Variants in BRD1 observed in about 807,000 individuals in gnomAD.
BRD1 encodes the protein bromodomain containing 1.
In BRD1, 24 loss-of-function variants were observed where a neutral mutation model predicts 107.7. The ratio of observed to expected loss-of-function variants is 0.22; its 90% CI spans 0.16 to 0.31. The LOEUF (loss-of-function observed/expected upper bound fraction) is 0.31. Among genes scored for constraint, BRD1 ranks in the 10% least tolerant of loss-of-function variants. The pLI, the probability that BRD1 is intolerant of heterozygous loss-of-function variation, is 1.00. For missense variants in BRD1, 1,279 were observed against 1,638.6 expected, an observed-to-expected ratio of 0.78 and a Z score of 3.79; for synonymous variants, 744 against 686.1, an observed-to-expected ratio of 1.08 and a Z score of -1.32.
chr22:49,785,782 A>G (rs2059311831), intron 8 of BRD1, among the ~76,000 whole-genome samples: 1 of 152,280 alleles, frequency 6.6e-6, no homozygotes, highest in South Asian at 2.1e-4. Flanking sequence ...CATACAAATC[A>G]AAATGAAATT....
At chr22:49,787,361 C>G in intron 8 of BRD1, 29 bp downstream of exon 8, 1 of 1,413,184 alleles carries the variant, frequency 7.1e-7, no homozygotes, top group Non-Finnish European at 9.4e-7. Context: ...TCGGCAAGGG[C>G]GCCTCTCAGG....
At chr22:49,821,859 A>G (rs779132942) in intron 2 of BRD1, among the ~76,000 whole-genome samples, 1 of 152,188 alleles carries the variant, frequency 6.6e-6, no homozygotes, top group Non-Finnish European at 1.5e-5. Context: ...CCAAGCTGCA[A>G]GCTCAGCACC....
Position 49,807,461 on chromosome 22 carries a change from T to C in BRD1, c.1368-3101A>G, listed in dbSNP as rs114676389. Reference sequence around the variant, plus strand: ...TAGCAGAGAACCCTGAAGCGAACCCTCCCGTATCCAGCAGAGACTGTTGAC... The same window carrying C: ...TAGCAGAGAACCCTGAAGCGAACCCCCCCGTATCCAGCAGAGACTGTTGAC... On this transcript the variant is annotated intron_variant, in intron 2 of 12. Coordinates refer to ENST00000404760, the MANE Select transcript of BRD1 (RefSeq NM_001304808.3). Among the ~76,000 whole-genome samples, 568 of 152,154 alleles carry C rather than the reference T, an allele frequency of 3.7e-3. 1 individual carries two copies. Among genetic ancestry groups the C allele is most frequent in the African/African-American group, 0.012 (517 of 41,496 alleles).
chr22:49,825,004 G>C (rs1334678948), intron 1 of BRD1, among the ~76,000 whole-genome samples: 1 of 152,138 alleles, frequency 6.6e-6, no homozygotes, highest in African/African-American at 2.4e-5. Context: ...GTACTGGTCT[G>C]AGGGGACAGT....
At chr22:49,802,857 G>C (rs944427002) in intron 3 of BRD1, among the ~76,000 whole-genome samples, 4 of 152,252 alleles carry the variant, frequency 2.6e-5, no homozygotes, top group Admixed American at 6.5e-5. Flanking sequence ...TCACATCATG[G>C]AACGGAAGAT....
intron 2 of BRD1, among the ~76,000 whole-genome samples, chr22:49,813,827 T>A (rs1405729507): frequency 1.5e-4 from 21 of 141,056 alleles, no homozygotes; most frequent in Non-Finnish European, 2.6e-4. Context: ...AGACTCCATT[T>A]AAAAAAAAAA....
chr22:49,787,320 C>T, intron 8 of BRD1, 70 bp downstream of exon 8: 1 of 1,324,848 alleles, frequency 7.5e-7, no homozygotes, highest in Non-Finnish European at 1.0e-6. Context: ...CCCGTCACAC[C>T]AATGATCCTG....
chr22:49,804,685 C>T (rs1303873977), intron 2 of BRD1, among the ~76,000 whole-genome samples: 2 of 152,060 alleles, frequency 1.3e-5, no homozygotes, highest in African/African-American at 4.8e-5. Context: ...CCCGTCTCTA[C>T]CAAAAATACA....
intron 2 of BRD1, chr22:49,805,759 T>G (rs1211056777): frequency 7.0e-6 from 1 of 143,356 alleles, no homozygotes; most frequent in Non-Finnish European, 1.5e-5. Flanking sequence ...TTTTTTTTTT[T>G]GAGATGGAGT....
Position 49,798,664 on chromosome 22 carries a change from A to G in BRD1, c.1679T>C (p.Met560Thr), listed in dbSNP as rs1413071361. 6.2e-7 allele frequency: 1 copy of G among 1,610,392 alleles called. No individual in the cohort carries two copies. ...REQVKVEQVA[M>T]ELRLTPLTVL... is the part of the protein sequence containing the mutation. ...CGTCAGCGGGGTCAGCCGCAGCTCC[A>G]TGGCGACCTGCTCCACCTTCACCTG... Residue 560 changes from methionine to threonine, a missense_variant, in exon 5 of 13, where the codon ATG (methionine) becomes ACG (threonine). Physicochemically the swap from Met to Thr is moderately conservative, Grantham distance 81. Transcript: ENST00000404760.
At chr22:49,782,491 G>A (rs371098340) in intron 8 of BRD1, among the ~76,000 whole-genome samples, 118 of 128,902 alleles carry the variant, frequency 9.2e-4, no homozygotes, top group Admixed American at 8.0e-4. Flanking sequence ...ACAGACCCAA[G>A]GCCCATCTTG....
rs754769540 is a variant in BRD1 at position 49,823,989 on chromosome 22, G to A, written c.329C>T (p.Thr110Met). The A allele has an allele frequency of 1.7e-5, 28 of 1,614,014 alleles. No homozygotes were observed. In the East Asian group the frequency reaches 1.8e-4, roughly 10 times the overall value. The stretch of plus-strand genomic sequence containing the variant: ...CGGGAGGGCACTGGCCGAGGCCGGC[G>A]TGCCGTGGGCGCTGGGGAGGGCCTC... Reference protein sequence around the residue: ...KNEALPSAHGTPASASALPEP... With the variant: ...KNEALPSAHGMPASASALPEP... The change falls in exon 2 of 13, where the codon ACG becomes ATG. Residue 110 changes from threonine (T) to methionine (M), a missense_variant. Thr to Met is a moderately conservative substitution (Grantham distance 81, BLOSUM62 -1). This residue lies in a region of BRD1 where 223 missense variants were observed against 263.5 expected (regional missense o/e 0.85). Transcript: ENST00000404760.
chr22:49,823,983 G>C lies in BRD1; in HGVS notation c.335C>G (p.Ala112Gly), dbSNP rs1220217714. 6.2e-7 allele frequency: 1 copy of C among 1,614,018 alleles called. No individual in the cohort carries two copies. The highest frequency in any genetic ancestry group is 1.7e-5 in the Admixed American group (1 of 60,034). ...EALPSAHGTPASASALPEPKV... is the reference protein window; with the variant it reads ...EALPSAHGTPGSASALPEPKV... ...GGGCTCCGGGAGGGCACTGGCCGAGGCCGGCGTGCCGTGGGCGCTGGGGAG... is the reference window on the plus strand; with the variant it reads ...GGGCTCCGGGAGGGCACTGGCCGAGCCCGGCGTGCCGTGGGCGCTGGGGAG... Residue 112 changes from alanine (A) to glycine (G), a missense_variant, in exon 2 of 13, where the codon GCC becomes GGC. Ala to Gly is a moderately conservative substitution (Grantham distance 60). Transcript: ENST00000404760.
chr22:49,777,263 C>T (rs921823503), intron 9 of BRD1, 102 bp from the exon 10 acceptor site: 2 of 1,543,424 alleles, frequency 1.3e-6, no homozygotes, highest in East Asian at 2.3e-5. Context: ...GGCCACGCAT[C>T]CTGCCTGACA....
intron 10 of BRD1, among the ~76,000 whole-genome samples, chr22:49,776,608 G>A (rs1266458350): frequency 2.6e-5 from 4 of 152,172 alleles, no homozygotes; most frequent in Non-Finnish European, 4.4e-5. Flanking sequence ...CCCCCTCACA[G>A]CATGGCTGCC....
chr22:49,827,282 G>C (rs1462438852), intron 1 of BRD1, among the ~76,000 whole-genome samples: 9 of 148,700 alleles, frequency 6.1e-5, no homozygotes, highest in Admixed American at 6.0e-4. Context: ...CCGTCTCCCC[G>C]GCCGCCCGGC....
intron 8 of BRD1, among the ~76,000 whole-genome samples, chr22:49,786,216 G>A (rs1015099976): frequency 2.0e-5 from 3 of 152,208 alleles, no homozygotes; most frequent in African/African-American, 7.2e-5. Context: ...AAACCAAAAT[G>A]ACAAACATGC....
intron 11 of BRD1, 91 bp from the exon 12 acceptor site, chr22:49,775,836 C>CCCCCCCCCT: frequency 7.9e-7 from 1 of 1,270,248 alleles, no homozygotes; most frequent in Non-Finnish European, 1.0e-6. Flanking sequence ...CCTCCCCACC[C>CCCCCCCCCT]CAGCTGTGTG....
intron 8 of BRD1, among the ~76,000 whole-genome samples, chr22:49,780,374 G>A (rs1312342855): frequency 2.0e-5 from 3 of 152,238 alleles, no homozygotes; most frequent in East Asian, 3.8e-4. Context: ...ACACACAGAG[G>A]TTCTGCGTGT....
Sources: allele counts gnomAD v4.1 joint callset (sites outside exome capture counted in the v4.1 genomes callset), GRCh38; gene constraint gnomAD v4.1.1; regional missense constraint gnomAD v4.1.1; transcripts MANE v1.5; gene names NCBI Gene and HGNC (gene_info 2026-07-23, HGNC 2026-07-21).